The following TRPM3 variants were observed in gnomAD, a reference collection of about 807,000 sequenced individuals.
TRPM3 encodes transient receptor potential cation channel subfamily M member 3.
In TRPM3, 77 loss-of-function variants were observed where a neutral mutation model predicts 181.2. The observed-to-expected ratio is 0.42, with a 90% CI of 0.35 to 0.51. The LOEUF is 0.51. Among genes scored for constraint, TRPM3 ranks in the 20% least tolerant of loss-of-function variants. The pLI is 0.01. For synonymous variants in TRPM3, 745 were observed against 796.4 expected, an observed-to-expected ratio of 0.94 and a Z score of 1.09; for missense variants, 1,759 against 2,196.7, an observed-to-expected ratio of 0.80 and a Z score of 3.98.
chr9:70,757,961 T>C (rs2077383466), intron 8 of TRPM3, among the ~76,000 whole-genome samples: 1 of 152,160 alleles, frequency 6.6e-6, no homozygotes, highest in Admixed American at 6.5e-5. Context: ...TTCAACATAG[T>C]ATTGGAAGTT....
At chr9:71,360,339 T>C (rs376650746) in intron 1 of TRPM3, among the ~76,000 whole-genome samples, 2 of 152,206 alleles carry the variant, frequency 1.3e-5, no homozygotes, top group East Asian at 3.9e-4. Context: ...AATGGTATTA[T>C]ATACATCATA....
At chr9:70,568,753 T>C (rs961364358) in intron 22 of TRPM3, among the ~76,000 whole-genome samples, 1 of 152,200 alleles carries the variant, frequency 6.6e-6, no homozygotes, top group Non-Finnish European at 1.5e-5. Context: ...TTTCTCAAGG[T>C]GTGAAAGCTA....
Position 71,220,846 on chromosome 9 carries a change from C to T in TRPM3, c.183+225807G>A, listed in dbSNP as rs72733846. On this transcript the variant is annotated intron_variant, in intron 1 of 24. Transcript: ENST00000357533. The stretch of plus-strand genomic sequence containing the variant: ...CTGACCAACTTATTGACACCATCCC[C>T]TGCCCATCCAACAGCCTCCTGGGCT... 9.8e-5 allele frequency among the ~76,000 whole-genome samples: 15 copies of T among 152,286 alleles called. No homozygotes were observed. The South Asian group carries it at 2.9e-3, about 29-fold the overall frequency.
chr9:70,669,850 T>A (rs1934470), intron 9 of TRPM3, among the ~76,000 whole-genome samples: 2 of 150,898 alleles, frequency 1.3e-5, no homozygotes, highest in African/African-American at 4.9e-5. Flanking sequence ...GATCCTTTCA[T>A]GTCAGCCTCC....
At chr9:71,039,047 A>G (rs1050483089) in intron 1 of TRPM3, among the ~76,000 whole-genome samples, 4 of 152,226 alleles carry the variant, frequency 2.6e-5, no homozygotes, top group African/African-American at 9.6e-5. Flanking sequence ...AGGGAAATGT[A>G]TCATGTATCT....
intron 1 of TRPM3, among the ~76,000 whole-genome samples, chr9:71,284,990 A>G (rs1204004492): frequency 6.6e-6 from 1 of 152,254 alleles, no homozygotes. Context: ...TTTAAAAAAT[A>G]CATTTTCCAT....
At chr9:71,228,729 A>T (rs193292732) in intron 1 of TRPM3, among the ~76,000 whole-genome samples, 163 of 152,274 alleles carry the variant, frequency 1.1e-3, no homozygotes, top group Non-Finnish European at 1.4e-3. Flanking sequence ...GCTACAAATA[A>T]AATTAAATAC....
At chr9:70,838,908 G>C (rs544711966) in intron 5 of TRPM3, among the ~76,000 whole-genome samples, 1 of 152,110 alleles carries the variant, frequency 6.6e-6, no homozygotes, top group Non-Finnish European at 1.5e-5. Flanking sequence ...ATCAAGATTA[G>C]TGCTGTCCCT....
chr9:70,620,651 T>G (rs1464969528), intron 15 of TRPM3, among the ~76,000 whole-genome samples: 2 of 152,220 alleles, frequency 1.3e-5, no homozygotes, highest in Admixed American at 6.5e-5. Context: ...GTCCATTTAT[T>G]TCTTCAAAAG....
At chr9:71,116,394 T>C (rs944579130) in intron 1 of TRPM3, among the ~76,000 whole-genome samples, 5 of 152,180 alleles carry the variant, frequency 3.3e-5, no homozygotes, top group African/African-American at 9.7e-5. Context: ...TAAAACACAA[T>C]TGAAACAAAT....
intron 8 of TRPM3, 133 bp from the exon 9 acceptor site, chr9:70,681,711 A>G (rs2065483860): frequency 5.4e-6 from 4 of 747,058 alleles, no homozygotes; most frequent in South Asian, 5.0e-5. Context: ...GTAAGCACAC[A>G]TAACAAGAAT....
At chr9:71,354,218 ACAAG>A (rs1474664201) in intron 1 of TRPM3, among the ~76,000 whole-genome samples, 1 of 152,216 alleles carries the variant, frequency 6.6e-6, no homozygotes, top group East Asian at 1.9e-4. Flanking sequence ...AGGGAGGTAC[ACAAG>A]CAAGTTGCAA....
At chr9:71,160,282 T>C in intron 1 of TRPM3, among the ~76,000 whole-genome samples, 1 of 152,126 alleles carries the variant, frequency 6.6e-6, no homozygotes, top group East Asian at 1.9e-4. Flanking sequence ...TCCTTCATCT[T>C]ACAAGGGACT....
chr9:70,617,341 C>A (rs1252253869), intron 17 of TRPM3, among the ~76,000 whole-genome samples: 1 of 151,984 alleles, frequency 6.6e-6, no homozygotes. Context: ...AGGCCAAGAG[C>A]CCACAGGAAG....
At chr9:71,029,913 G>T (rs1005831813) in intron 1 of TRPM3, among the ~76,000 whole-genome samples, 1 of 152,156 alleles carries the variant, frequency 6.6e-6, no homozygotes, top group Non-Finnish European at 1.5e-5. Context: ...TTTGAGTCAG[G>T]TACCAGTACA....
chr9:70,557,739 C>T (rs1325170776), intron 22 of TRPM3, among the ~76,000 whole-genome samples: 1 of 152,218 alleles, frequency 6.6e-6, no homozygotes, highest in Non-Finnish European at 1.5e-5. Flanking sequence ...TCCTTCCTTG[C>T]TTTTGGGACC....
chr9:70,962,593 T>C (rs1285808933), intron 1 of TRPM3, among the ~76,000 whole-genome samples: 1 of 152,174 alleles, frequency 6.6e-6, no homozygotes, highest in East Asian at 1.9e-4. Flanking sequence ...TCCCAGTGGA[T>C]GCCTGAAATC....
intron 1 of TRPM3, among the ~76,000 whole-genome samples, chr9:71,051,077 G>C (rs1299992501): frequency 6.6e-6 from 1 of 152,206 alleles, no homozygotes; most frequent in Non-Finnish European, 1.5e-5. Context: ...TAGGGGAAAA[G>C]AGGGAGATGA....
upstream of TRPM3, among the ~76,000 whole-genome samples, chr9:71,123,442 T>C (rs1303975534): frequency 6.6e-6 from 1 of 152,192 alleles, no homozygotes; most frequent in Non-Finnish European, 1.5e-5. Flanking sequence ...CTTATGCCTA[T>C]GGTTGTTGTG....
Sources: allele counts gnomAD v4.1 joint callset (sites outside exome capture counted in the v4.1 genomes callset), GRCh38; gene constraint gnomAD v4.1.1; transcripts MANE v1.5; gene names NCBI Gene and HGNC (gene_info 2026-07-23, HGNC 2026-07-21).